MYLK4: variants seen among roughly 807,000 people sequenced by gnomAD.
The protein encoded by MYLK4 is myosin light chain kinase family member 4, also known as caMLCK like.
MYLK4 carries 46 observed loss-of-function variants against 48.1 expected under a neutral mutation model. The observed-to-expected ratio is 0.96, with a 90% CI of 0.75 to 1.22. The LOEUF is 1.22. MYLK4 is among the 50% of genes most tolerant of loss of function. The pLI is 0.00. For synonymous variants in MYLK4, 170 were observed against 180.8 expected, an observed-to-expected ratio of 0.94 and a Z score of 0.48; for missense variants, 451 against 486.1, an observed-to-expected ratio of 0.93 and a Z score of 0.68.
At chr6:2,767,986 C>T in the MYLK4 span, among the ~76,000 whole-genome samples, 1 of 152,184 alleles carries the variant, frequency 6.6e-6, no homozygotes, top group Non-Finnish European at 1.5e-5. Flanking sequence ...AGTCATTAAA[C>T]AGTCTTCAGT....
intron 2 of MYLK4, among the ~76,000 whole-genome samples, chr6:2,741,993 C>T (rs1174922436): frequency 6.6e-6 from 1 of 152,166 alleles, no homozygotes; most frequent in African/African-American, 2.4e-5. Context: ...AAATGATTAA[C>T]ACTTGGGCAA....
chr6:2,696,408 G>T (rs1019440033), intron 2 of MYLK4, among the ~76,000 whole-genome samples: 1 of 152,132 alleles, frequency 6.6e-6, no homozygotes, highest in Non-Finnish European at 1.5e-5. Flanking sequence ...TAAAAGGTAG[G>T]GCCTTCGAAG....
chr6:2,692,986 G>T, intron 2 of MYLK4, 127 bp from the exon 3 acceptor site: 1 of 824,426 alleles, frequency 1.2e-6, no homozygotes. Flanking sequence ...CAGGACAGCA[G>T]CATCACTGGC....
At chr6:2,751,850 AC>A (rs1764296766), upstream of MYLK4, among the ~76,000 whole-genome samples, 1 of 152,248 alleles carries the variant, frequency 6.6e-6, no homozygotes, top group African/African-American at 2.4e-5. Context: ...TTTTTAAAAC[AC>A]AAAACGCTTG....
the MYLK4 span, among the ~76,000 whole-genome samples, chr6:2,763,618 C>T: frequency 3.9e-5 from 6 of 152,262 alleles, no homozygotes; most frequent in Non-Finnish European, 5.9e-5. Context: ...GCAAGCACCG[C>T]GCGCAGCCCC....
At chr6:2,688,794 GTCATTTGCAC>G in intron 4 of MYLK4, 47 bp downstream of exon 4, 1 of 1,378,934 alleles carries the variant, frequency 7.3e-7, no homozygotes, top group East Asian at 2.3e-5. Context: ...CATTTACGAA[GTCATTTGCAC>G]GCTCTCTTCT....
the MYLK4 span, chr6:2,765,749 C>G: frequency 6.7e-7 from 1 of 1,502,504 alleles, no homozygotes; most frequent in Non-Finnish European, 8.8e-7. Flanking sequence ...TCTGCTGCTC[C>G]ACCCGGCGGG....
chr6:2,745,641 T>C lies in MYLK4; in HGVS notation c.159+3495A>G, dbSNP rs193210745. Among the ~76,000 whole-genome samples the C allele has an allele frequency of 3.7e-4, 57 of 152,054 alleles. No homozygotes were observed. In the East Asian group the frequency reaches 6.2e-3, roughly 16 times the overall value. ...AGAATAAAAAGGAAAGTAGGAAAAATAGGCCACACACAGCAGCTCATGCCT... is the reference window on the plus strand; with the variant it reads ...AGAATAAAAAGGAAAGTAGGAAAAACAGGCCACACACAGCAGCTCATGCCT... On this transcript the variant is annotated intron_variant, in intron 2 of 12. Coordinates refer to ENST00000274643, the MANE Select transcript of MYLK4 (RefSeq NM_001012418.5).
chr6:2,748,627 C>T (rs907457384), intron 2 of MYLK4, among the ~76,000 whole-genome samples: 1 of 152,186 alleles, frequency 6.6e-6, no homozygotes, highest in Non-Finnish European at 1.5e-5. Flanking sequence ...TTCCCAAGAA[C>T]GAGCAGCTGG....
chr6:2,737,993 G>GGGGGGA (rs1763757659), intron 2 of MYLK4, among the ~76,000 whole-genome samples: 1 of 56,706 alleles, frequency 1.8e-5, no homozygotes, highest in Admixed American at 1.6e-4. Flanking sequence ...GGGGGGGGGT[G>GGGGGGA]GTCAATGTTA....
intron 3 of MYLK4, among the ~76,000 whole-genome samples, chr6:2,690,302 C>T (rs2181907): frequency 0.24 from 36,751 of 151,734 alleles, 5,563 homozygotes; most frequent in East Asian, 0.47. Flanking sequence ...TTTTGCTGTC[C>T]TCGTTGACGA....
At chr6:2,707,210 A>G (rs1762524045) in intron 2 of MYLK4, among the ~76,000 whole-genome samples, 1 of 152,338 alleles carries the variant, frequency 6.6e-6, no homozygotes, top group South Asian at 2.1e-4. Context: ...AATAAAAAAA[A>G]CTGCTTTAAG....
chr6:2,682,991 T>C lies in MYLK4; in HGVS notation c.687+30A>G, dbSNP rs1761368804. 9 of 1,614,020 alleles carry C rather than the reference T, an allele frequency of 5.6e-6. No homozygotes were observed. In the East Asian group the frequency reaches 2.0e-4, roughly 36 times the overall value. ...CACTGTGCAAGAGCTGGGAAGGGCT[T>C]ACGTCTCACAGGATACAAAACACCC... On this transcript the variant is annotated intron_variant, in intron 7 of 12. Transcript: ENST00000274643.
rs1217904421 is a variant in MYLK4, at chr6:2,674,686, A to G, written c.1119+361T>C. The stretch of plus-strand genomic sequence containing the variant: ...CAGGGGTTTGAGACCAGCCTGACCA[A>G]CATGGTGAAACTCTGTTTCCACTAA... On this transcript the variant is annotated intron_variant, in intron 11 of 12. Transcript: ENST00000274643. 2.0e-5 allele frequency among the ~76,000 whole-genome samples: 3 copies of G among 152,268 alleles called. No individual in the cohort carries two copies. The East Asian group carries it at 5.8e-4, about 29-fold the overall frequency.
At chr6:2,718,191 A>G (rs60979358) in intron 2 of MYLK4, among the ~76,000 whole-genome samples, 8 of 147,594 alleles carry the variant, frequency 5.4e-5, no homozygotes, top group East Asian at 2.0e-4. Context: ...AAAAAAAAAA[A>G]AAAAAAAAAA....
At chr6:2,742,660 T>C (rs1470275540) in intron 2 of MYLK4, among the ~76,000 whole-genome samples, 2 of 144,218 alleles carry the variant, frequency 1.4e-5, no homozygotes, top group African/African-American at 2.6e-5. Context: ...TAGATGGGAA[T>C]TGAACAATGA....
At chr6:2,681,907 C>G (rs1761319559) in intron 7 of MYLK4, among the ~76,000 whole-genome samples, 1 of 152,236 alleles carries the variant, frequency 6.6e-6, no homozygotes, top group Non-Finnish European at 1.5e-5. Flanking sequence ...TGCAGAATAT[C>G]TACATTCAAT....
chr6:2,669,892 C>T (rs1359506421), intron 12 of MYLK4, among the ~76,000 whole-genome samples: 2 of 152,200 alleles, frequency 1.3e-5, no homozygotes, highest in South Asian at 2.1e-4. Context: ...CACATGTAAG[C>T]GTCCCTTCCT....
intron 4 of MYLK4, among the ~76,000 whole-genome samples, chr6:2,687,920 T>C (rs995041721): frequency 5.9e-5 from 9 of 152,162 alleles, no homozygotes; most frequent in Non-Finnish European, 1.2e-4. Context: ...GCAGCAAACG[T>C]TATAATTTAG....
Sources: allele counts gnomAD v4.1 joint callset (sites outside exome capture counted in the v4.1 genomes callset), GRCh38; gene constraint gnomAD v4.1.1; transcripts MANE v1.5; gene names NCBI Gene and HGNC (gene_info 2026-07-23, HGNC 2026-07-21).